PLCXD3: variants seen among roughly 807,000 people sequenced by gnomAD.
PLCXD3 encodes the protein phosphatidylinositol specific phospholipase C X domain containing 3.
PLCXD3 carries 19 observed loss-of-function variants against 25.5 expected under a neutral mutation model. The observed-to-expected ratio is 0.75, with a 90% CI of 0.52 to 1.09. The LOEUF (loss-of-function observed/expected upper bound fraction) is 1.09, where lower values mean the gene tolerates loss of function less well. Ranked by LOEUF, PLCXD3 falls within the 50% of genes least tolerant of loss-of-function variation. The pLI is 0.00. For missense variants in PLCXD3, 411 were observed against 388.1 expected (o/e 1.06, Z -0.50); for synonymous variants, 174 against 137.6 (o/e 1.26, Z -1.85).
In PLCXD3 at chr5:41,307,536, C is replaced by T. The variant is rs1561225854; in HGVS notation, c.*6081G>A. 6.6e-6 allele frequency: 1 copy of T among 152,016 alleles called. No homozygotes were observed. The highest frequency in any genetic ancestry group is 1.5e-5 in the Non-Finnish European group (1 of 68,006). 9.4% of individuals were successfully genotyped at this position (152,016 alleles called of 1,614,324 possible). On this transcript the variant is annotated 3_prime_UTR_variant, in exon 3 of 3. Transcript: ENST00000377801. The stretch of plus-strand genomic sequence containing the variant: ...AAATAGTACTGGTCGTTATAATTTG[C>T]TTTGACGAGTCTCTCTGCCAGGTGA...
At chr5:41,341,882 T>C (rs575760365) in intron 2 of PLCXD3, among the ~76,000 whole-genome samples, 2 of 152,296 alleles carry the variant, frequency 1.3e-5, no homozygotes, top group East Asian at 3.9e-4. Context: ...ACAACTCACC[T>C]GGATTACAAA....
chr5:41,466,794 G>T (rs1046339171), intron 1 of PLCXD3, among the ~76,000 whole-genome samples: 23 of 152,004 alleles, frequency 1.5e-4, no homozygotes, highest in Non-Finnish European at 2.6e-4. Flanking sequence ...TCATATAAGT[G>T]AGACCATGTG....
chr5:41,454,724 A>C (rs1747713273), intron 1 of PLCXD3, among the ~76,000 whole-genome samples: 1 of 151,920 alleles, frequency 6.6e-6, no homozygotes, highest in Non-Finnish European at 1.5e-5. Context: ...AAGGAACACC[A>C]AAAATTGCTG....
At chr5:41,374,978 T>C (rs1306445129) in intron 2 of PLCXD3, among the ~76,000 whole-genome samples, 2 of 152,042 alleles carry the variant, frequency 1.3e-5, no homozygotes, top group African/African-American at 4.8e-5. Flanking sequence ...CTCTCCAAAC[T>C]GCTAAAATGA....
intron 1 of PLCXD3, among the ~76,000 whole-genome samples, chr5:41,482,686 G>C (rs1246467129): frequency 6.6e-6 from 1 of 152,144 alleles, no homozygotes; most frequent in East Asian, 1.9e-4. Flanking sequence ...AGAAAATTAG[G>C]AACACTGCAG....
rs201962520 is a variant in PLCXD3, at chr5:41,454,997, GA to G, written c.103+55426del. On this transcript the variant is annotated intron_variant, in intron 1 of 2. Coordinates refer to ENST00000377801, the MANE Select transcript of PLCXD3 (RefSeq NM_001005473.3). ...AGGAAGGAGAAAAGCTGAGCAAAGG[GA>G]AAAGCCCCTTATAAAACCATGAGAC... 5.6e-3 allele frequency among the ~76,000 whole-genome samples: 853 copies of G among 151,890 alleles called. 4 individuals carry two copies. The highest frequency in any genetic ancestry group is 0.019 in the African/African-American group (774 of 41,420).
intron 1 of PLCXD3, among the ~76,000 whole-genome samples, chr5:41,424,914 A>T (rs993629427): frequency 3.3e-5 from 5 of 152,186 alleles, no homozygotes; most frequent in Admixed American, 3.3e-4. Flanking sequence ...ACATACCCTT[A>T]CTAATTTTCT....
chr5:41,354,475 T>G (rs1744562426), intron 2 of PLCXD3, among the ~76,000 whole-genome samples: 1 of 152,168 alleles, frequency 6.6e-6, no homozygotes, highest in Non-Finnish European at 1.5e-5. Flanking sequence ...ACAAGCCAAT[T>G]GTTCAACTCC....
At chr5:41,393,601 C>G (rs923848760) in intron 1 of PLCXD3, among the ~76,000 whole-genome samples, 1 of 151,970 alleles carries the variant, frequency 6.6e-6, no homozygotes, top group African/African-American at 2.4e-5. Context: ...CATTAATGAG[C>G]AATAAATCAT....
intron 2 of PLCXD3, among the ~76,000 whole-genome samples, chr5:41,364,918 C>G (rs1744892668): frequency 6.6e-6 from 1 of 152,162 alleles, no homozygotes; most frequent in African/African-American, 2.4e-5. Flanking sequence ...GCATATTTTT[C>G]CACCTTGAAT....
At position 41,344,615 on chromosome 5, in the gene PLCXD3, C is replaced by A. The variant is rs180714580; in HGVS notation, c.813-30845G>T. On this transcript the variant is annotated intron_variant, in intron 2 of 2. Transcript: ENST00000377801. ...AGAAATATAAAAATGCGGCTGATAT[C>A]TATGACTGACATCAGTTAACAGAAG... is the stretch of plus-strand genomic sequence containing the variant. Among the ~76,000 whole-genome samples the A allele has an allele frequency of 2.5e-3, 373 of 152,136 alleles. 2 individuals are homozygous for A. Among genetic ancestry groups the A allele is most frequent in the African/African-American group, 7.9e-3 (330 of 41,536 alleles).
chr5:41,372,843 A>T (rs1745144490), intron 2 of PLCXD3, among the ~76,000 whole-genome samples: 1 of 152,020 alleles, frequency 6.6e-6, no homozygotes, highest in Non-Finnish European at 1.5e-5. Flanking sequence ...CAGAAAATTG[A>T]GACCAGCCTG....
chr5:41,325,592 C>G (rs1743603330), intron 2 of PLCXD3, among the ~76,000 whole-genome samples: 1 of 152,100 alleles, frequency 6.6e-6, no homozygotes, highest in Non-Finnish European at 1.5e-5. Context: ...TGTTTGGTGT[C>G]TGAAGAACTA....
chr5:41,383,841 A>G (rs925981915), intron 1 of PLCXD3, among the ~76,000 whole-genome samples: 2 of 115,054 alleles, frequency 1.7e-5, no homozygotes, highest in Non-Finnish European at 3.9e-5. Context: ...CCTTGGTCTT[A>G]TAAGCTATTT....
chr5:41,329,904 CTTT>C (rs1010159366), intron 2 of PLCXD3, among the ~76,000 whole-genome samples: 40 of 150,592 alleles, frequency 2.7e-4, no homozygotes, highest in African/African-American at 9.5e-4. Context: ...ATGTCAAATT[CTTT>C]TTTAAGTATA....
intron 1 of PLCXD3, among the ~76,000 whole-genome samples, chr5:41,501,201 G>GTT: frequency 6.6e-6 from 1 of 151,940 alleles, no homozygotes; most frequent in Non-Finnish European, 1.5e-5. Context: ...GTCCCACTTT[G>GTT]GGGTATTTAT....
At chr5:41,466,571 T>G (rs1748021991) in intron 1 of PLCXD3, among the ~76,000 whole-genome samples, 1 of 152,120 alleles carries the variant, frequency 6.6e-6, no homozygotes, top group African/African-American at 2.4e-5. Flanking sequence ...GATTTATTCT[T>G]AGTCATTCTG....
chr5:41,343,309 C>A (rs910102107), intron 2 of PLCXD3, among the ~76,000 whole-genome samples: 1 of 151,912 alleles, frequency 6.6e-6, no homozygotes, highest in Non-Finnish European at 1.5e-5. Context: ...CCTTTGTATG[C>A]AATCTGAAGT....
At chr5:41,379,254 C>A (rs1745384323) in intron 2 of PLCXD3, among the ~76,000 whole-genome samples, 1 of 152,026 alleles carries the variant, frequency 6.6e-6, no homozygotes, top group South Asian at 2.1e-4. Context: ...CTGTGGGATA[C>A]AGTTAAAAAT....
Sources: gnomAD v4.1 joint callset for allele counts (sites outside exome capture counted in the v4.1 genomes callset) on GRCh38, gnomAD v4.1.1 for gene constraint, MANE v1.5 for transcripts, NCBI Gene and HGNC (gene_info 2026-07-23, HGNC 2026-07-21) for gene names.